The following MAST2 variants were observed in gnomAD, a reference collection of about 807,000 sequenced individuals.
The protein encoded by MAST2 is microtubule-associated serine/threonine-protein kinase 2.
In MAST2, 70 loss-of-function variants were observed where a neutral mutation model predicts 147.4. That is an observed-to-expected ratio of 0.47 (90% CI 0.39 to 0.58). The LOEUF is 0.58. Among genes scored for constraint, MAST2 ranks in the 20% least tolerant of loss-of-function variants. The probability of loss-of-function intolerance (pLI) is 0.00; values close to 1 mark genes in which losing one functional copy is unlikely to be tolerated. For synonymous variants in MAST2, 869 were observed against 896.8 expected (o/e 0.97, Z 0.55); for missense variants, 2,080 against 2,302.3 (o/e 0.90, Z 1.98).
chr1:46,005,356 CTG>C (rs1255902219), intron 7 of MAST2, among the ~76,000 whole-genome samples: 21 of 147,848 alleles, frequency 1.4e-4, no homozygotes, highest in Non-Finnish European at 8.9e-5. Flanking sequence ...GAGCGAAACT[CTG>C]TCTCAAAAAA....
At chr1:45,978,174 T>C (rs1644251622) in intron 5 of MAST2, among the ~76,000 whole-genome samples, 1 of 152,064 alleles carries the variant, frequency 6.6e-6, no homozygotes, top group African/African-American at 2.4e-5. Flanking sequence ...ATCCAAGTGG[T>C]CAATAAATGC....
chr1:46,015,080 G>C (rs1045279631), intron 10 of MAST2, among the ~76,000 whole-genome samples: 1 of 151,392 alleles, frequency 6.6e-6, no homozygotes, highest in Admixed American at 6.6e-5. Context: ...TGACTACTGG[G>C]TACATAACGA....
intron 5 of MAST2, among the ~76,000 whole-genome samples, chr1:45,976,136 A>T (rs757302487): frequency 2.0e-5 from 3 of 151,996 alleles, no homozygotes; most frequent in Non-Finnish European, 4.4e-5. Flanking sequence ...CACCACACCC[A>T]GCAAATTTTT....
At chr1:45,906,613 ATAAT>A (rs1446111495) in intron 4 of MAST2, among the ~76,000 whole-genome samples, 3 of 148,194 alleles carry the variant, frequency 2.0e-5, no homozygotes, top group Non-Finnish European at 3.0e-5. Context: ...TTGTTATTAT[ATAAT>A]TATATTATAT....
At chr1:45,940,983 G>A (rs2148798756) in intron 4 of MAST2, among the ~76,000 whole-genome samples, 1 of 152,298 alleles carries the variant, frequency 6.6e-6, no homozygotes, top group East Asian at 1.9e-4. Flanking sequence ...ATTGGTACTT[G>A]CAAAGTTTTT....
intron 1 of MAST2, among the ~76,000 whole-genome samples, chr1:45,811,250 T>A (rs576075067): frequency 5.4e-5 from 8 of 147,790 alleles, no homozygotes; most frequent in African/African-American, 1.7e-4. Context: ...CACTGCAGCC[T>A]CCCCCTGTGG....
chr1:45,902,914 C>T (rs947907374), intron 4 of MAST2, among the ~76,000 whole-genome samples: 8 of 151,724 alleles, frequency 5.3e-5, no homozygotes, highest in Non-Finnish European at 7.4e-5. Context: ...TTTGTTTATC[C>T]TTTGAAATAA....
At chr1:45,975,850 T>C (rs1427937065) in intron 5 of MAST2, among the ~76,000 whole-genome samples, 1 of 152,102 alleles carries the variant, frequency 6.6e-6, no homozygotes, top group Non-Finnish European at 1.5e-5. Flanking sequence ...CTAAGATCCA[T>C]GGACCCTGAG....
intron 1 of MAST2, among the ~76,000 whole-genome samples, chr1:45,818,458 C>T (rs1039618588): frequency 4.6e-5 from 7 of 152,138 alleles, no homozygotes; most frequent in Non-Finnish European, 1.0e-4. Flanking sequence ...GTTCATTGTT[C>T]TGTAGAATAA....
chr1:45,830,573 A>G (rs978215725), intron 3 of MAST2, among the ~76,000 whole-genome samples: 3 of 152,162 alleles, frequency 2.0e-5, no homozygotes, highest in African/African-American at 7.2e-5. Flanking sequence ...TGTAACTTCA[A>G]TGAGTAAATT....
In MAST2 at chr1:45,850,685, C is replaced by T. The variant is rs889970915; in HGVS notation, c.468+21104C>T. The stretch of plus-strand genomic sequence containing the variant: ...CTTCTGCATGTGCCTAGCCAGCTAT[C>T]CCAGCACTATTTATTGAATAGAGTC... On this transcript the variant is annotated intron_variant, in intron 3 of 28. Transcript: ENST00000361297. Among the ~76,000 whole-genome samples, 3 of 152,200 alleles carry T rather than the reference C, an allele frequency of 2.0e-5. No homozygotes were observed. In the East Asian group the frequency reaches 5.8e-4, roughly 29 times the overall value.
At chr1:45,887,702 A>G (rs750720795) in intron 4 of MAST2, among the ~76,000 whole-genome samples, 2 of 152,232 alleles carry the variant, frequency 1.3e-5, no homozygotes. Flanking sequence ...CACCTGCTGC[A>G]TACACATAAT....
intron 5 of MAST2, among the ~76,000 whole-genome samples, chr1:45,992,582 T>G (rs184546627): frequency 3.9e-5 from 6 of 152,314 alleles, no homozygotes; most frequent in Admixed American, 6.5e-5. Flanking sequence ...CAATCATCTT[T>G]GCTTGGAAGA....
chr1:45,847,604 G>A, intron 3 of MAST2: 1 of 781,756 alleles, frequency 1.3e-6, no homozygotes, highest in Non-Finnish European at 2.0e-6. Context: ...TGGTGCTTTA[G>A]GTATAGTGAC....
rs562436539 is a variant in MAST2 at position 45,987,240 on chromosome 1, T to C, written c.593-10484T>C. Among the ~76,000 whole-genome samples, 7 of 152,310 alleles carry C rather than the reference T, an allele frequency of 4.6e-5. No individual in the cohort carries two copies. The South Asian group carries it at 1.2e-3, about 27-fold the overall frequency. On this transcript the variant is annotated intron_variant, in intron 5 of 28. Transcript: ENST00000361297. The stretch of plus-strand genomic sequence containing the variant: ...TCTCATTCTTGATGTTGGTAATTTC[T>C]ATTTTGTCTTTTTTTTTCCTGATTA...
At chr1:45,991,578 T>C (rs6429590) in intron 5 of MAST2, among the ~76,000 whole-genome samples, 27,175 of 152,192 alleles carry the variant, frequency 0.18, 3,170 homozygotes, top group Non-Finnish European at 0.26. Flanking sequence ...TTACAGTGTA[T>C]AGATTTTCAG....
At chr1:45,977,800 C>A (rs868285892) in intron 5 of MAST2, among the ~76,000 whole-genome samples, 1,292 of 132,588 alleles carry the variant, frequency 9.7e-3, no homozygotes, top group Non-Finnish European at 0.011. Context: ...ACTCTTGTCT[C>A]AAAAAAAAAA....
In MAST2 at chr1:46,029,501, C is replaced by T. The variant is rs769528200; in HGVS notation, c.2254C>T (p.Pro752Ser). ...GTGGCCTGAGGGTGATGAGGCACTG[C>T]CCCCAGACGCCCAGGACCTCACCTC... Reference protein sequence around the residue: ...IVWPEGDEALPPDAQDLTSKL... With the variant: ...IVWPEGDEALSPDAQDLTSKL... The change falls in exon 19 of 29, where the codon CCC becomes TCC. Residue 752 changes from proline (P) to serine (S), a missense_variant. Coordinates refer to ENST00000361297, the MANE Select transcript of MAST2 (RefSeq NM_015112.3). 2.5e-6 allele frequency: 4 copies of T among 1,613,884 alleles called. No individual in the cohort carries two copies. The highest frequency in any genetic ancestry group is 2.2e-5 in the South Asian group (2 of 91,064).
chr1:45,942,324 T>G (rs1657417720), intron 4 of MAST2, among the ~76,000 whole-genome samples: 1 of 152,184 alleles, frequency 6.6e-6, no homozygotes, highest in African/African-American at 2.4e-5. Flanking sequence ...TTCCAGCACT[T>G]TATAAGACAA....
Sources: allele counts gnomAD v4.1 joint callset (sites outside exome capture counted in the v4.1 genomes callset), GRCh38; gene constraint gnomAD v4.1.1; transcripts MANE v1.5; gene names NCBI Gene and HGNC (gene_info 2026-07-23, HGNC 2026-07-21).